LRRC38: variants seen among roughly 807,000 people sequenced by gnomAD.
LRRC38 encodes the protein leucine-rich repeat-containing protein 38.
In LRRC38, 5 loss-of-function variants were observed where a neutral mutation model predicts 16.4. The ratio of observed to expected loss-of-function variants is 0.31; its 90% confidence interval spans 0.16 to 0.64. LRRC38 has a LOEUF of 0.64. Ranked by LOEUF, LRRC38 falls within the 30% of genes least tolerant of loss-of-function variation. The pLI, the probability that LRRC38 is intolerant of heterozygous loss-of-function variation, is 0.80. For synonymous variants in LRRC38, 191 were observed against 190.2 expected (o/e 1.00, Z -0.04); for missense variants, 341 against 401.8 (o/e 0.85, Z 1.29).
chr1:13,505,430 G>C lies in LRRC38; in HGVS notation c.631+7533C>G, dbSNP rs142790102. On this transcript the variant is annotated intron_variant, in intron 1 of 1. Transcript: ENST00000376085. ...TCCGGATATGCTTTGCTGACCCAAA[G>C]CCACCGAGGGGTATTTGCTGAAAAC... Among the ~76,000 whole-genome samples, 574 of 152,310 alleles carry C rather than the reference G, an allele frequency of 3.8e-3. 3 individuals carry two copies. The highest frequency in any genetic ancestry group is 0.013 in the African/African-American group (522 of 41,572).
intron 1 of LRRC38, among the ~76,000 whole-genome samples, chr1:13,478,584 C>T (rs908790471): frequency 2.0e-5 from 3 of 152,244 alleles, no homozygotes; most frequent in Non-Finnish European, 4.4e-5. Flanking sequence ...CTTCAACTCT[C>T]AGGAAAACCT....
At chr1:13,509,951 A>G (rs1422097521) in intron 1 of LRRC38, among the ~76,000 whole-genome samples, 1 of 152,126 alleles carries the variant, frequency 6.6e-6, no homozygotes, top group African/African-American at 2.4e-5. Context: ...CCAGGCCCTC[A>G]TTCAGTCGTA....
intron 1 of LRRC38, among the ~76,000 whole-genome samples, chr1:13,480,634 G>A (rs529978131): frequency 1.3e-5 from 2 of 151,924 alleles, no homozygotes; most frequent in African/African-American, 4.8e-5. Flanking sequence ...CTGTTCTCCT[G>A]GTTGTGAATA....
intron 1 of LRRC38, among the ~76,000 whole-genome samples, chr1:13,511,468 A>G (rs1261393812): frequency 1.3e-5 from 2 of 152,146 alleles, no homozygotes; most frequent in African/African-American, 4.8e-5. Flanking sequence ...GGCCTGTTCA[A>G]GGTCACAGTC....
chr1:13,500,234 G>A (rs953283686), intron 1 of LRRC38, among the ~76,000 whole-genome samples: 32 of 129,240 alleles, frequency 2.5e-4, no homozygotes, highest in African/African-American at 8.1e-4. Context: ...CAGCCCGGGC[G>A]ACAGAGTGAG....
intron 1 of LRRC38, among the ~76,000 whole-genome samples, chr1:13,511,689 C>T (rs554923359): frequency 7.0e-4 from 106 of 152,148 alleles, no homozygotes; most frequent in Admixed American, 2.0e-3. Flanking sequence ...TCTCCAGGAC[C>T]GAGTCTACTG....
intron 1 of LRRC38, among the ~76,000 whole-genome samples, chr1:13,509,542 G>C: frequency 6.6e-6 from 1 of 152,088 alleles, no homozygotes; most frequent in East Asian, 1.9e-4. Flanking sequence ...CTTCCACACT[G>C]TGACAGCATC....
At chr1:13,486,484 C>G (rs1638935730) in intron 1 of LRRC38, among the ~76,000 whole-genome samples, 1 of 152,156 alleles carries the variant, frequency 6.6e-6, no homozygotes, top group Non-Finnish European at 1.5e-5. Flanking sequence ...ATTTCATACC[C>G]ACCTGTTGCC....
intron 1 of LRRC38, among the ~76,000 whole-genome samples, chr1:13,506,923 CTT>C (rs897474816): frequency 6.6e-6 from 1 of 152,250 alleles, no homozygotes; most frequent in African/African-American, 2.4e-5. Context: ...CCGGCTGGAA[CTT>C]GCCTGATGTA....
At chr1:13,501,930 T>C (rs567915793) in intron 1 of LRRC38, among the ~76,000 whole-genome samples, 152 of 144,330 alleles carry the variant, frequency 1.1e-3, no homozygotes, top group African/African-American at 3.8e-3. Flanking sequence ...ACCTGGCTAA[T>C]TTTTTTTTTT....
chr1:13,488,266 CTTTTT>C (rs113805396), intron 1 of LRRC38, among the ~76,000 whole-genome samples: 2 of 140,350 alleles, frequency 1.4e-5, no homozygotes, highest in South Asian at 4.5e-4. Context: ...GCCTTGCACA[CTTTTT>C]TTTTTTTTTT....
rs1239856808 is a variant in LRRC38, at chr1:13,495,757, T to C, written c.631+17206A>G. ...TCATTACCTCCCAAAGGCAGCTCAT[T>C]TTCAGAGCCCTAATGCGGTTAGACA... On this transcript the variant is annotated intron_variant, in intron 1 of 1. Transcript: ENST00000376085. 3.3e-5 allele frequency among the ~76,000 whole-genome samples: 5 copies of C among 152,042 alleles called. No individual in the cohort carries two copies. The East Asian group carries it at 9.7e-4, about 29-fold the overall frequency.
chr1:13,481,755 TTCTTTCCCTC>T (rs1234759502), intron 1 of LRRC38, among the ~76,000 whole-genome samples: 1 of 88,028 alleles, frequency 1.1e-5, no homozygotes, highest in Non-Finnish European at 2.2e-5. Context: ...GCCTCTCACT[TTCTTTCCCTC>T]TCTCTCCCTC....
At chr1:13,504,316 C>T (rs974919930) in intron 1 of LRRC38, among the ~76,000 whole-genome samples, 2 of 152,102 alleles carry the variant, frequency 1.3e-5, no homozygotes, top group African/African-American at 2.4e-5. Flanking sequence ...TCATGGATGC[C>T]GGGGGTGGCC....
At chr1:13,512,920 T>TTCCCCCCC in intron 1 of LRRC38, 43 bp downstream of exon 1, 33 of 1,269,006 alleles carry the variant, frequency 2.6e-5, no homozygotes, top group South Asian at 1.9e-4. Flanking sequence ...GGCCTCTCCC[T>TTCCCCCCC]GCCCCCCTCC....
intron 1 of LRRC38, among the ~76,000 whole-genome samples, chr1:13,482,369 G>T (rs985720215): frequency 2.6e-5 from 4 of 152,042 alleles, no homozygotes; most frequent in African/African-American, 7.3e-5. Context: ...CTGAATGCAG[G>T]AGTTCAAGAC....
At position 13,513,203 on chromosome 1, in the gene LRRC38, C is replaced by T; in HGVS notation, c.391G>A (p.Val131Met). The T allele has an allele frequency of 2.6e-6, 4 of 1,550,530 alleles. No homozygotes were observed. Among genetic ancestry groups the T allele is most frequent in the Non-Finnish European group, 3.5e-6 (4 of 1,146,966 alleles). Residue 131 changes from valine to methionine, a missense_variant, in exon 1 of 2, where the codon GTG becomes ATG. By Grantham distance (21) the Val-to-Met change is conservative. Coordinates refer to ENST00000376085, the MANE Select transcript of LRRC38 (RefSeq NM_001010847.2). ...TTGTTGTTAGCCAGGCTAAGCTTCA[C>T]CAGCCTCCCGGCCGAGCGGAAGGCG... ...AGAFRSAGRL[V>M]KLSLANNNLV...
At chr1:13,501,310 G>C (rs1375367790) in intron 1 of LRRC38, among the ~76,000 whole-genome samples, 2 of 152,046 alleles carry the variant, frequency 1.3e-5, no homozygotes, top group Non-Finnish European at 2.9e-5. Flanking sequence ...TGTTAAAAGA[G>C]GGGAAACTGT....
chr1:13,497,079 A>C (rs1428299646), intron 1 of LRRC38, among the ~76,000 whole-genome samples: 1 of 152,200 alleles, frequency 6.6e-6, no homozygotes, highest in African/African-American at 2.4e-5. Flanking sequence ...TGAAGGGAGA[A>C]GAGCAAGAAA....
Sources: allele counts gnomAD v4.1 joint callset (sites outside exome capture counted in the v4.1 genomes callset), GRCh38; gene constraint gnomAD v4.1.1; transcripts MANE v1.5; gene names NCBI Gene and HGNC (gene_info 2026-07-23, HGNC 2026-07-21).